Variants in COL5A2 observed in about 807,000 individuals in gnomAD.
COL5A2 encodes collagen type V alpha 2 chain.
Under a neutral mutation model 208.2 loss-of-function variants are expected in COL5A2, and 23 were observed. That is an observed-to-expected ratio of 0.11 (90% CI 0.08 to 0.16). The LOEUF (loss-of-function observed/expected upper bound fraction) is 0.16. Ranked by LOEUF, COL5A2 falls within the 10% of genes least tolerant of loss-of-function variation. The pLI, the probability that COL5A2 is intolerant of heterozygous loss-of-function variation, is 1.00. For synonymous variants in COL5A2, 625 were observed against 628.5 expected (o/e 0.99, Z 0.08); for missense variants, 1,590 against 1,956.4 (o/e 0.81, Z 3.53).
the COL5A2 span, among the ~76,000 whole-genome samples, chr2:189,379,413 A>AT: frequency 1.3e-5 from 2 of 152,096 alleles, no homozygotes; most frequent in South Asian, 2.1e-4. Flanking sequence ...TTCCATAGGC[A>AT]TTTTTTACGG....
At chr2:189,095,423 A>C (rs1456946065) in intron 6 of COL5A2, among the ~76,000 whole-genome samples, 1 of 152,066 alleles carries the variant, frequency 6.6e-6, no homozygotes, top group African/African-American at 2.4e-5. Flanking sequence ...TCCTACTTGG[A>C]TATCTGCCAG....
In COL5A2 at chr2:189,072,695, C is replaced by T. The variant is rs547394521; in HGVS notation, c.1105-602G>A. On this transcript the variant is annotated intron_variant, in intron 17 of 53. Transcript: ENST00000374866. ...GCTGAGGCAGGAGAATTGCTGGAAC[C>T]TGGGAGGTGGAGGTTGTAGTGAGCT... 5.7e-5 allele frequency among the ~76,000 whole-genome samples: 8 copies of T among 140,708 alleles called. No individual in the cohort carries two copies. The South Asian group carries it at 1.4e-3, about 25-fold the overall frequency. The allele number at this position is 140,708 out of a possible 152,430, so 92.3% of individuals were successfully genotyped here.
At chr2:189,070,478 A>T (rs906694658) in intron 18 of COL5A2, among the ~76,000 whole-genome samples, 1 of 152,184 alleles carries the variant, frequency 6.6e-6, no homozygotes, top group African/African-American at 2.4e-5. Flanking sequence ...CAAGAAGGAA[A>T]ACACAGAAAA....
chr2:189,246,380 G>T, the COL5A2 span, among the ~76,000 whole-genome samples: 9 of 152,278 alleles, frequency 5.9e-5, no homozygotes, highest in East Asian at 1.7e-3. Flanking sequence ...AGATCTTTGG[G>T]ACATTATACT....
rs151146283 is a variant in COL5A2, at chr2:189,110,242, C to A, written c.305G>T (p.Gly102Val). ...CCPVCSQTPG[G>V]GNTNFGRGRK... ...ATTCTTACCAAAATTGGTATTGCCA[C>A]CTCCAGGTGTTTGTGAACAGACAGG... Residue 102 changes from glycine to valine, a missense_variant, in exon 2 of 54, where the codon GGT becomes GTT. Physicochemically the swap from Gly to Val is moderately radical, Grantham distance 109. Transcript: ENST00000374866. The A allele has an allele frequency of 6.2e-7, 1 of 1,613,604 alleles. No individual in the cohort carries two copies. The highest frequency in any genetic ancestry group is 2.2e-5 in the East Asian group (1 of 44,864).
At chr2:189,353,970 G>C in the COL5A2 span, among the ~76,000 whole-genome samples, 2 of 152,112 alleles carry the variant, frequency 1.3e-5, no homozygotes, top group East Asian at 3.8e-4. Flanking sequence ...TCAATACCTA[G>C]TTTATTGACA....
rs574886338 is a variant in COL5A2 at position 189,068,342 on chromosome 2, T to C, written c.1258-72A>G. On this transcript the variant is annotated intron_variant, in intron 19 of 53. Transcript: ENST00000374866. ...AGATACAAATGTGCTAGTATACAGA[T>C]GTCCAGCCATCTTCAAAAAGGAAGT... 50 of 1,247,784 alleles carry C rather than the reference T, an allele frequency of 4.0e-5. No homozygotes were observed. In the African/African-American group the frequency reaches 7.1e-4, roughly 18 times the overall value. The allele number at this position is 1,247,784 out of a possible 1,614,324, so 77.3% of individuals were successfully genotyped here.
chr2:189,054,104 C>G (rs1454071765), intron 36 of COL5A2, 55 bp downstream of exon 36: 2 of 1,491,778 alleles, frequency 1.3e-6, no homozygotes, highest in South Asian at 2.3e-5. Context: ...TATGAAAGAG[C>G]CTGCTATTCA....
At chr2:189,429,401 T>G in the COL5A2 span, among the ~76,000 whole-genome samples, 29 of 152,220 alleles carry the variant, frequency 1.9e-4, no homozygotes, top group Admixed American at 1.9e-3. Flanking sequence ...TCTAATTACC[T>G]GTGTCTTGGA....
At chr2:189,277,120 T>C in the COL5A2 span, among the ~76,000 whole-genome samples, 3 of 152,100 alleles carry the variant, frequency 2.0e-5, no homozygotes, top group Non-Finnish European at 2.9e-5. Flanking sequence ...AAAAACTATA[T>C]GTAGAAATGA....
chr2:189,280,263 G>A, the COL5A2 span, among the ~76,000 whole-genome samples: 81 of 152,156 alleles, frequency 5.3e-4, no homozygotes, highest in Middle Eastern at 3.4e-3. Flanking sequence ...TAAGCTTATC[G>A]TTCCAGCACA....
the COL5A2 span, among the ~76,000 whole-genome samples, chr2:189,394,411 C>T: frequency 6.6e-6 from 1 of 151,988 alleles, no homozygotes; most frequent in Non-Finnish European, 1.5e-5. Context: ...ATATGGGGAC[C>T]TTTGGAAGGG....
At chr2:189,152,110 C>T (rs1356167) in intron 1 of COL5A2, among the ~76,000 whole-genome samples, 91,293 of 151,990 alleles carry the variant, frequency 0.6, 28,643 homozygotes, top group East Asian at 0.78. Context: ...GCTTTAAGTA[C>T]TTCAACACAC....
the COL5A2 span, among the ~76,000 whole-genome samples, chr2:189,299,504 G>A: frequency 1.3e-5 from 2 of 152,124 alleles, no homozygotes; most frequent in Non-Finnish European, 2.9e-5. Flanking sequence ...CCTATAATTC[G>A]TGGGGCAAAC....
chr2:189,052,220 A>T lies in COL5A2; in HGVS notation c.2721T>A (p.Ala907=), dbSNP rs770154167. ...GGRGTQGPPG[A]TGFPGSAGRV... is the part of the protein sequence containing the mutation. ...TGCCCGCAGAACCAGGAAATCCTGT[A>T]GCACCCTAGAACCAGAATATCATAT... Residue 907 remains alanine, a synonymous_variant, in exon 41 of 54, where the codon GCT becomes GCA. Coordinates refer to ENST00000374866, the MANE Select transcript of COL5A2 (RefSeq NM_000393.5). The T allele has an allele frequency of 1.2e-5, 20 of 1,613,722 alleles. 1 individual carries two copies. The South Asian group carries it at 2.0e-4, about 16-fold the overall frequency.
chr2:189,049,205 G>C (rs1011984588), intron 44 of COL5A2, 142 bp downstream of exon 44: 1 of 694,908 alleles, frequency 1.4e-6, no homozygotes, highest in African/African-American at 1.8e-5. Flanking sequence ...CTCTAGGGAA[G>C]TAGAGTACAT....
the COL5A2 span, among the ~76,000 whole-genome samples, chr2:189,237,911 T>C: frequency 6.6e-6 from 1 of 151,864 alleles, no homozygotes; most frequent in Admixed American, 6.6e-5. Context: ...AAAATCACCA[T>C]TTATATTTTA....
chr2:189,397,766 G>T, the COL5A2 span, among the ~76,000 whole-genome samples: 1 of 151,234 alleles, frequency 6.6e-6, no homozygotes, highest in African/African-American at 2.4e-5. Flanking sequence ...TTAAATTTTG[G>T]CTTTTTAAAA....
chr2:189,183,750 A>C (rs1420536185), upstream of COL5A2, among the ~76,000 whole-genome samples: 1 of 152,120 alleles, frequency 6.6e-6, no homozygotes, highest in Non-Finnish European at 1.5e-5. Context: ...GCTGACTCCC[A>C]GTTACCTACA....
Sources: gnomAD v4.1 joint callset for allele counts (sites outside exome capture counted in the v4.1 genomes callset) on GRCh38, gnomAD v4.1.1 for gene constraint, MANE v1.5 for transcripts, NCBI Gene and HGNC (gene_info 2026-07-23, HGNC 2026-07-21) for gene names.